Variants in SLC14A2 observed in about 807,000 individuals in gnomAD.
The protein encoded by SLC14A2 is solute carrier family 14 member 2, also known as urea transporter 2.
SLC14A2 carries 91 observed loss-of-function variants against 104.6 expected under a neutral mutation model. That is an observed-to-expected ratio of 0.87 (90% CI 0.73 to 1.04). The LOEUF (loss-of-function observed/expected upper bound fraction) is 1.04. Among genes scored for constraint, SLC14A2 ranks in the 50% least tolerant of loss-of-function variants. The pLI is 0.00. For synonymous variants in SLC14A2, 476 were observed against 466.4 expected, an observed-to-expected ratio of 1.02 and a Z score of -0.27; for missense variants, 1,189 against 1,156.0, an observed-to-expected ratio of 1.03 and a Z score of -0.41.
In SLC14A2 at chr18:45,391,985, A is replaced by T. The variant is rs149483888; in HGVS notation, c.-124-91248A>T. 4.6e-3 allele frequency among the ~76,000 whole-genome samples: 697 copies of T among 152,298 alleles called. 3 individuals carry two copies. Among genetic ancestry groups the T allele is most frequent in the Non-Finnish European group, 5.8e-3 (393 of 68,022 alleles). ...GTTGCCATTGCTTTTGGTATTTTAG[A>T]CATGAAGTCCTTGCCCATGCCTATG... is the stretch of plus-strand genomic sequence containing the variant. On this transcript the variant is annotated intron_variant, in intron 1 of 20. Coordinates refer to the SLC14A2 transcript ENST00000586448.
At chr18:45,396,590 A>G (rs1239599524) in intron 1 of SLC14A2, among the ~76,000 whole-genome samples, 1 of 150,340 alleles carries the variant, frequency 6.7e-6, no homozygotes, top group African/African-American at 2.4e-5. Flanking sequence ...GTGTGAAAGT[A>G]ATGAATACAG....
intron 2 of SLC14A2, among the ~76,000 whole-genome samples, chr18:45,494,443 G>C (rs2043055998): frequency 6.6e-6 from 1 of 152,134 alleles, no homozygotes; most frequent in Non-Finnish European, 1.5e-5. Context: ...TGTCACCCAG[G>C]CTGGAGTACA....
chr18:45,357,178 A>C (rs1032715261), intron 1 of SLC14A2, among the ~76,000 whole-genome samples: 1 of 149,056 alleles, frequency 6.7e-6, no homozygotes, highest in Non-Finnish European at 1.5e-5. Context: ...CTAAGACAAC[A>C]GCTTTTCTCT....
chr18:45,372,916 C>A (rs936685691), intron 1 of SLC14A2, among the ~76,000 whole-genome samples: 1 of 152,210 alleles, frequency 6.6e-6, no homozygotes, highest in East Asian at 1.9e-4. Flanking sequence ...ATTTTACATT[C>A]TTTTTTCATG....
intron 1 of SLC14A2, among the ~76,000 whole-genome samples, chr18:45,307,145 G>T (rs1196896831): frequency 6.6e-6 from 1 of 152,046 alleles, no homozygotes; most frequent in African/African-American, 2.4e-5. Flanking sequence ...GGCCGGGCGT[G>T]GTGGCTCACA....
At chr18:45,394,013 G>C (rs2086001273) in intron 1 of SLC14A2, among the ~76,000 whole-genome samples, 1 of 152,198 alleles carries the variant, frequency 6.6e-6, no homozygotes, top group African/African-American at 2.4e-5. Flanking sequence ...CTGTCCTTCA[G>C]ATGGTCTGAA....
intron 2 of SLC14A2, 66 bp downstream of exon 2, chr18:45,624,880 T>C (rs910385708): frequency 6.7e-7 from 1 of 1,503,078 alleles, no homozygotes; most frequent in African/African-American, 1.4e-5. Context: ...GGGCAAAAGA[T>C]GCCGCTTTCC....
intron 10 of SLC14A2, among the ~76,000 whole-genome samples, chr18:45,645,934 G>C (rs972580174): frequency 6.6e-6 from 1 of 152,112 alleles, no homozygotes; most frequent in Non-Finnish European, 1.5e-5. Context: ...ACACCACCAA[G>C]TCCCTTGCGA....
At chr18:45,456,011 G>A (rs1031813095) in intron 1 of SLC14A2, among the ~76,000 whole-genome samples, 1 of 152,168 alleles carries the variant, frequency 6.6e-6, no homozygotes, top group Non-Finnish European at 1.5e-5. Flanking sequence ...TTCTAGACCA[G>A]TTAATAGTGT....
At chr18:45,598,598 C>T (rs2044746361) in intron 2 of SLC14A2, among the ~76,000 whole-genome samples, 1 of 152,128 alleles carries the variant, frequency 6.6e-6, no homozygotes, top group African/African-American at 2.4e-5. Context: ...TTTAAAAAGG[C>T]ATTTTTATGG....
chr18:45,251,408 G>A (rs1479514979), intron 1 of SLC14A2, among the ~76,000 whole-genome samples: 1 of 152,140 alleles, frequency 6.6e-6, no homozygotes, highest in Non-Finnish European at 1.5e-5. Flanking sequence ...ATATTCGAGA[G>A]GCCCAAACTA....
intron 1 of SLC14A2, among the ~76,000 whole-genome samples, chr18:45,463,189 C>G (rs927093604): frequency 7.9e-5 from 12 of 152,182 alleles, no homozygotes; most frequent in African/African-American, 2.9e-4. Flanking sequence ...TGTAGAAAGC[C>G]TGTACTCCCT....
intron 1 of SLC14A2, among the ~76,000 whole-genome samples, chr18:45,330,511 G>A (rs1394948503): frequency 6.6e-6 from 1 of 152,156 alleles, no homozygotes; most frequent in Non-Finnish European, 1.5e-5. Flanking sequence ...TGGAATGTTA[G>A]TCATGCCCTA....
chr18:45,432,794 A>T (rs2086537751), intron 1 of SLC14A2, among the ~76,000 whole-genome samples: 1 of 152,212 alleles, frequency 6.6e-6, no homozygotes. Flanking sequence ...TGATGGCCAC[A>T]TAGACATAGC....
At chr18:45,596,312 C>G (rs1021573554) in intron 2 of SLC14A2, among the ~76,000 whole-genome samples, 2 of 152,224 alleles carry the variant, frequency 1.3e-5, no homozygotes, top group African/African-American at 4.8e-5. Context: ...GACTCCTGAG[C>G]TTGAATTTGG....
chr18:45,625,601 A>T, intron 2 of SLC14A2, 82 bp from the exon 3 acceptor site: 1 of 1,184,714 alleles, frequency 8.4e-7, no homozygotes, highest in Non-Finnish European at 1.2e-6. Flanking sequence ...TTATCAAAAA[A>T]CCTGCCACCC....
chr18:45,382,600 A>G (rs1055349845), intron 1 of SLC14A2, among the ~76,000 whole-genome samples: 7 of 152,220 alleles, frequency 4.6e-5, no homozygotes, highest in African/African-American at 1.7e-4. Context: ...ATAGAAAAGA[A>G]TTCTATGCCC....
intron 1 of SLC14A2, among the ~76,000 whole-genome samples, chr18:45,307,433 AAACC>A: frequency 9.2e-6 from 1 of 109,268 alleles, no homozygotes; most frequent in South Asian, 2.9e-4. Flanking sequence ...AAAAAAAAAA[AAACC>A]AAAAAACCAA....
At chr18:45,419,682 G>C (rs987615042) in intron 1 of SLC14A2, among the ~76,000 whole-genome samples, 1 of 151,842 alleles carries the variant, frequency 6.6e-6, no homozygotes, top group Non-Finnish European at 1.5e-5. Flanking sequence ...GCTGAGACAG[G>C]AGAATTACTT....
Sources: allele counts gnomAD v4.1 joint callset (sites outside exome capture counted in the v4.1 genomes callset), GRCh38; gene constraint gnomAD v4.1.1; transcripts MANE v1.5; gene names NCBI Gene and HGNC (gene_info 2026-07-23, HGNC 2026-07-21).